Variants in CD59 observed in about 807,000 individuals in gnomAD.
The protein encoded by CD59 is CD59 glycoprotein.
Under a neutral mutation model 7.0 loss-of-function variants are expected in CD59, and 3 were observed. The ratio of observed to expected loss-of-function variants is 0.43; its 90% CI spans 0.19 to 1.10. The LOEUF is 1.10. CD59 is among the 50% of genes least tolerant of loss of function. The pLI is 0.29. For synonymous variants in CD59, 60 were observed against 62.0 expected (o/e 0.97, Z 0.15); for missense variants, 143 against 151.0 (o/e 0.95, Z 0.28).
intron 3 of CD59, among the ~76,000 whole-genome samples, chr11:33,710,660 C>A (rs532737719): frequency 6.1e-4 from 93 of 151,956 alleles, no homozygotes; most frequent in Non-Finnish European, 1.1e-3. Context: ...CCCCTTTGAT[C>A]CAGCAATTCC....
At chr11:33,714,851 G>A (rs56113937) in intron 3 of CD59, among the ~76,000 whole-genome samples, 38,085 of 151,738 alleles carry the variant, frequency 0.25, 5,205 homozygotes, top group Middle Eastern at 0.33. Flanking sequence ...GGTCTTAGGG[G>A]TAAGAATACT....
At position 33,708,553 on chromosome 11, in the gene CD59, T is replaced by G. The variant is rs932975611; in HGVS notation, c.*1573A>C. The G allele has an allele frequency of 3.5e-5, 5 of 144,068 alleles. No individual in the cohort carries two copies. The highest frequency in any genetic ancestry group is 1.3e-4 in the African/African-American group (5 of 38,608). The allele number at this position is 144,068 out of a possible 1,614,324, so 8.9% of individuals were successfully genotyped here. A position where few individuals can be genotyped will look rare whatever the true frequency, so the allele number is the denominator to read the frequency against. On this transcript the variant is annotated 3_prime_UTR_variant, in exon 4 of 4. Transcript: ENST00000642928. ...CCTTAGAACTCACATGAAATGAGCT[T>G]CTTTGCTCAGCCGGTGGCTGTGGGC...
intron 3 of CD59, among the ~76,000 whole-genome samples, chr11:33,710,617 T>C (rs187400268): frequency 6.6e-6 from 1 of 152,300 alleles, no homozygotes; most frequent in Non-Finnish European, 1.5e-5. Context: ...AGAGGGAAAT[T>C]TGGTAATATC....
intron 3 of CD59, 49 bp downstream of exon 3, chr11:33,717,321 G>T: frequency 8.3e-7 from 1 of 1,207,322 alleles, no homozygotes; most frequent in Non-Finnish European, 1.2e-6. Context: ...TTTTTCCCAG[G>T]CACTTATTAC....
At chr11:33,716,765 C>T (rs941283907) in intron 3 of CD59, among the ~76,000 whole-genome samples, 4 of 152,172 alleles carry the variant, frequency 2.6e-5, no homozygotes, top group South Asian at 2.1e-4. Flanking sequence ...CTGAGGCTAC[C>T]GAGCCCTGGC....
Position 33,733,207 on chromosome 11 carries a change from A to C in CD59, c.-19+3175T>G, listed in dbSNP as rs184971074. On this transcript the variant is annotated intron_variant, in intron 1 of 3. Transcript: ENST00000642928. ...CTCCAGAGCAGCACAGAGCCCTGCC[A>C]CCTTGATTACAGCCCTGTGAGACCT... Among the ~76,000 whole-genome samples, 156 of 152,358 alleles carry C rather than the reference A, an allele frequency of 1.0e-3. 1 individual carries two copies. In the Middle Eastern group the frequency reaches 0.014, roughly 13 times the overall value.
intron 2 of CD59, chr11:33,718,470 A>C (rs1303455826): frequency 7.0e-6 from 1 of 142,434 alleles, no homozygotes; most frequent in African/African-American, 2.8e-5. Context: ...GTGACAGAGC[A>C]AAACTCTGTT....
At chr11:33,714,754 C>A (rs1002668043) in intron 3 of CD59, among the ~76,000 whole-genome samples, 7 of 151,872 alleles carry the variant, frequency 4.6e-5, no homozygotes, top group Non-Finnish European at 8.8e-5. Flanking sequence ...AAAATGAAGA[C>A]ACAAGCACAC....
In CD59 at chr11:33,710,056, G is replaced by T. The variant is rs11552628; in HGVS notation, c.*70C>A. 1.7e-6 allele frequency: 2 copies of T among 1,181,198 alleles called. No homozygotes were observed. The highest frequency in any genetic ancestry group is 1.3e-5 in the South Asian group (1 of 77,694). 73.2% of individuals were successfully genotyped at this position (1,181,198 alleles called of 1,614,324 possible). A position where few individuals can be genotyped will look rare whatever the true frequency, so the allele number is the denominator to read the frequency against. On this transcript the variant is annotated 3_prime_UTR_variant, in exon 4 of 4. Coordinates refer to ENST00000642928, the MANE Select transcript of CD59 (RefSeq NM_000611.6). The stretch of plus-strand genomic sequence containing the variant: ...CCATTTGGAAAATATCAAGCCTTTA[G>T]AATGTGGCAGCAAGAGAAAGCGGAC...
chr11:33,710,697 A>C (rs1853506850), intron 3 of CD59, among the ~76,000 whole-genome samples: 1 of 151,382 alleles, frequency 6.6e-6, no homozygotes, highest in African/African-American at 2.4e-5. Context: ...CTATGAAGTT[A>C]CTTGGGGATT....
intron 2 of CD59, chr11:33,718,854 G>A (rs976525448): frequency 6.6e-6 from 1 of 152,218 alleles, no homozygotes; most frequent in Non-Finnish European, 1.5e-5. Flanking sequence ...CAGTCCACAC[G>A]TGTGATGGGG....
rs1853301958 is a variant in CD59 at position 33,706,218 on chromosome 11, T to C, written c.*3908A>G. ...GGCACCCACCTAGAAATTAAGGTAC[T>C]GTGGTCATTTATCTTATCCCAGAAT... is the stretch of plus-strand genomic sequence containing the variant. On this transcript the variant is annotated 3_prime_UTR_variant, in exon 4 of 4. Transcript: ENST00000642928. 2 of 151,468 alleles carry C rather than the reference T, an allele frequency of 1.3e-5. No homozygotes were observed. The highest frequency in any genetic ancestry group is 4.9e-5 in the African/African-American group (2 of 41,236). 9.4% of individuals were successfully genotyped at this position (151,468 alleles called of 1,614,324 possible). A position where few individuals can be genotyped will look rare whatever the true frequency, so the allele number is the denominator to read the frequency against.
rs704698 is a variant in CD59, at chr11:33,706,679, G to T, written c.*3447C>A. On this transcript the variant is annotated 3_prime_UTR_variant, in exon 4 of 4. Transcript: ENST00000642928. ...CTCTCCTGAAATGAAATATCTACAA[G>T]AAGTAGCAGGCATTGAGAAACAGAT... 1 of 151,726 alleles carries T rather than the reference G, an allele frequency of 6.6e-6. No individual in the cohort carries two copies. Among genetic ancestry groups the T allele is most frequent in the Non-Finnish European group, 1.5e-5 (1 of 68,002 alleles). The allele number at this position is 151,726 out of a possible 1,614,324, so 9.4% of individuals were successfully genotyped here.
At chr11:33,723,572 C>A (rs1813911063) in intron 1 of CD59, among the ~76,000 whole-genome samples, 1 of 152,152 alleles carries the variant, frequency 6.6e-6, no homozygotes, top group African/African-American at 2.4e-5. Flanking sequence ...TGTGAGGAAC[C>A]AGGAAGAAAG....
At chr11:33,718,996 C>T (rs1039665292) in intron 2 of CD59, 5 of 152,224 alleles carry the variant, frequency 3.3e-5, no homozygotes, top group East Asian at 1.9e-4. Context: ...GAAGTACCTA[C>T]CTCTGTGAAA....
chr11:33,712,000 C>G (rs1853579271), intron 3 of CD59, among the ~76,000 whole-genome samples: 1 of 152,198 alleles, frequency 6.6e-6, no homozygotes. Flanking sequence ...AGCAATTCCA[C>G]TCACAAGTGT....
intron 1 of CD59, among the ~76,000 whole-genome samples, chr11:33,724,699 G>C (rs1321398350): frequency 6.6e-6 from 1 of 152,156 alleles, no homozygotes; most frequent in African/African-American, 2.4e-5. Context: ...TGAATGAGCA[G>C]GGGAGACCTC....
Position 33,736,077 on chromosome 11 carries a change from G to A in CD59, c.-19+305C>T, listed in dbSNP as rs780716126. On this transcript the variant is annotated intron_variant, in intron 1 of 3. Coordinates refer to ENST00000642928, the MANE Select transcript of CD59 (RefSeq NM_000611.6). The surrounding 1 kb of genome is among the most constrained non-coding windows in gnomAD (Gnocchi z 4.4). ...TCCCTTGAGACGAAAGCGATGGCAG[G>A]GGCCCGGGTGCGAGGCTGCCCCCGA... is the stretch of plus-strand genomic sequence containing the variant. Among the ~76,000 whole-genome samples, 2 of 152,252 alleles carry A rather than the reference G, an allele frequency of 1.3e-5. No individual in the cohort carries two copies. The highest frequency in any genetic ancestry group is 3.9e-4 in the East Asian group (2 of 5,176).
chr11:33,726,361 T>C (rs953610398), intron 1 of CD59, among the ~76,000 whole-genome samples: 2 of 152,252 alleles, frequency 1.3e-5, no homozygotes, highest in South Asian at 4.1e-4. Context: ...AAATTAGAAC[T>C]CAGGATTAAG....
Sources: gnomAD v4.1 joint callset for allele counts (sites outside exome capture counted in the v4.1 genomes callset) on GRCh38, gnomAD v4.1.1 for gene constraint, Gnocchi (gnomAD v3.1) non-coding constraint, MANE v1.5 for transcripts, NCBI Gene and HGNC (gene_info 2026-07-23, HGNC 2026-07-21) for gene names.